Variants in GABPB1 observed in about 807,000 individuals in gnomAD.
GABPB1 encodes GA-binding protein subunit beta-1.
A neutral mutation model predicts 45.9 loss-of-function variants in GABPB1; 15 were observed. That is an observed-to-expected ratio of 0.33 (90% CI 0.22 to 0.50). GABPB1 has a LOEUF of 0.50. Among genes scored for constraint, GABPB1 ranks in the 20% least tolerant of loss-of-function variants. GABPB1 has a pLI of 0.98. For missense variants in GABPB1, 252 were observed against 457.5 expected (o/e 0.55, Z 4.10); for synonymous variants, 143 against 154.4 (o/e 0.93, Z 0.55).
intron 1 of GABPB1, among the ~76,000 whole-genome samples, chr15:50,331,601 T>C (rs2047950111): frequency 6.6e-6 from 1 of 152,172 alleles, no homozygotes; most frequent in South Asian, 2.1e-4. Flanking sequence ...TAGCAAGTTG[T>C]CAGAAAGTTT....
chr15:50,344,846 C>CA (rs2048506178), intron 1 of GABPB1, among the ~76,000 whole-genome samples: 1 of 151,680 alleles, frequency 6.6e-6, no homozygotes, highest in Non-Finnish European at 1.5e-5. Context: ...CTCAAAAAAA[C>CA]AAAAAATAAT....
chr15:50,310,601 T>C (rs898193612), intron 1 of GABPB1, among the ~76,000 whole-genome samples: 1 of 152,232 alleles, frequency 6.6e-6, no homozygotes, highest in Non-Finnish European at 1.5e-5. Context: ...ATGCAATGTA[T>C]ATTTAAGTTC....
chr15:50,316,797 T>C (rs2047346877), intron 1 of GABPB1, among the ~76,000 whole-genome samples: 1 of 152,172 alleles, frequency 6.6e-6, no homozygotes, highest in Non-Finnish European at 1.5e-5. Flanking sequence ...TAGTGATTTA[T>C]TTCTTTTACA....
At chr15:50,298,780 CG>C (rs2046615341) in intron 6 of GABPB1, among the ~76,000 whole-genome samples, 1 of 151,942 alleles carries the variant, frequency 6.6e-6, no homozygotes, top group Admixed American at 6.6e-5. Context: ...GGTGAAACCC[CG>C]TCCCTACTAA....
intron 1 of GABPB1, among the ~76,000 whole-genome samples, chr15:50,342,261 A>C (rs2048401276): frequency 6.6e-6 from 1 of 152,096 alleles, no homozygotes; most frequent in Non-Finnish European, 1.5e-5. Context: ...ATCACATTAC[A>C]AATGATTTAT....
At position 50,278,795 on chromosome 15, in the gene GABPB1, G is replaced by T. The variant is rs2045888926; in HGVS notation, c.1000-11C>A. 2 of 1,521,510 alleles carry T rather than the reference G, an allele frequency of 1.3e-6. No homozygotes were observed. The highest frequency in any genetic ancestry group is 8.7e-7 in the Non-Finnish European group (1 of 1,145,614). The allele number at this position is 1,521,510 out of a possible 1,614,324, so 94.3% of individuals were successfully genotyped here. On this transcript the variant is annotated splice_polypyrimidine_tract_variant and intron_variant, in intron 8 of 8. Transcript: ENST00000380877. ...AAGAGCTTCTCTCTCCTAATTAAAAGAAGAGGGTTTTTTTTTTAATTTTTG... is the reference window on the plus strand; with the variant it reads ...AAGAGCTTCTCTCTCCTAATTAAAATAAGAGGGTTTTTTTTTTAATTTTTG...
At position 50,282,560 on chromosome 15, in the gene GABPB1, G is replaced by GAAAAAAAAAAAAAAAAAAAA. The variant is rs552203074; in HGVS notation, c.999+3507_999+3508insTTTTTTTTTTTTTTTTTTTT. On this transcript the variant is annotated intron_variant, in intron 8 of 8. Transcript: ENST00000380877. ...CAAAGTGAGACCCTGCCTTAAAAAA[G>GAAAAAAAAAAAAAAAAAAAA]AAAAAAAAAAAAAAACAGAGACGGA... is the stretch of plus-strand genomic sequence containing the variant. 4.5e-3 allele frequency among the ~76,000 whole-genome samples: 403 copies of GAAAAAAAAAAAAAAAAAAAA among 88,940 alleles called. 68 individuals are homozygous for GAAAAAAAAAAAAAAAAAAAA. The highest frequency in any genetic ancestry group is 0.01 in the African/African-American group (265 of 26,016). The allele number at this position is 88,940 out of a possible 152,430, so 58.3% of individuals were successfully genotyped here.
At chr15:50,320,358 G>C (rs930199932) in intron 1 of GABPB1, among the ~76,000 whole-genome samples, 1 of 152,118 alleles carries the variant, frequency 6.6e-6, no homozygotes, top group Non-Finnish European at 1.5e-5. Flanking sequence ...AGTAGAGATG[G>C]GGTTTCGGCA....
In GABPB1 at chr15:50,348,651, C is replaced by A. The variant is rs549249734; in HGVS notation, c.-1+6334G>T. 3.0e-3 allele frequency among the ~76,000 whole-genome samples: 461 copies of A among 151,612 alleles called. 1 individual carries two copies. The highest frequency in any genetic ancestry group is 5.1e-3 in the Non-Finnish European group (343 of 67,920). ...GGCCGAGGCAGGCAGATCACAAGGT[C>A]AAGAGATCAAGACCATCCTGACCAA... is the stretch of plus-strand genomic sequence containing the variant. On this transcript the variant is annotated intron_variant, in intron 1 of 8. Coordinates refer to ENST00000380877, the MANE Select transcript of GABPB1 (RefSeq NM_016654.5).
intron 6 of GABPB1, among the ~76,000 whole-genome samples, chr15:50,300,259 A>G (rs1189959690): frequency 6.6e-6 from 1 of 152,064 alleles, no homozygotes; most frequent in Non-Finnish European, 1.5e-5. Flanking sequence ...ACAGCTTCCT[A>G]TTAAAAAACA....
At chr15:50,297,041 G>A (rs1422972464) in intron 6 of GABPB1, among the ~76,000 whole-genome samples, 1 of 150,740 alleles carries the variant, frequency 6.6e-6, no homozygotes, top group African/African-American at 2.4e-5. Context: ...CTCCCGAGTA[G>A]CTGGGATTAC....
chr15:50,301,077 T>C, intron 5 of GABPB1, 175 bp from the exon 6 acceptor site: 1 of 960,624 alleles, frequency 1.0e-6, no homozygotes, highest in South Asian at 1.6e-5. Flanking sequence ...TTTTGTCTCA[T>C]AAAAATCTTT....
At position 50,337,075 on chromosome 15, in the gene GABPB1, G is replaced by GTATATATATATATA. The variant is rs869106382; in HGVS notation, c.-1+17896_-1+17909dup. Among the ~76,000 whole-genome samples the GTATATATATATATA allele has an allele frequency of 1.1e-3, 16 of 14,144 alleles. 1 individual carries two copies. The highest frequency in any genetic ancestry group is 2.9e-3 in the Admixed American group (3 of 1,042). The allele number at this position is 14,144 out of a possible 152,430, so 9.3% of individuals were successfully genotyped here. ...GAAAAAATTACATGTATATGTGTGTGTATATATATATATATATATATATAT... is the reference window on the plus strand; with the variant it reads ...GAAAAAATTACATGTATATGTGTGTGTATATATATATATATATATATATATATATATATATATAT... On this transcript the variant is annotated intron_variant, in intron 1 of 8. Transcript: ENST00000380877.
chr15:50,335,609 G>C (rs1014602799), intron 1 of GABPB1, among the ~76,000 whole-genome samples: 1 of 152,104 alleles, frequency 6.6e-6, no homozygotes, highest in African/African-American at 2.4e-5. Context: ...TCAAAAAGAA[G>C]ACTGGTCGGC....
At chr15:50,342,443 G>C (rs574443534) in intron 1 of GABPB1, among the ~76,000 whole-genome samples, 4 of 152,016 alleles carry the variant, frequency 2.6e-5, no homozygotes, top group African/African-American at 9.7e-5. Context: ...AATTAAACAA[G>C]TCCTTTCTAT....
intron 1 of GABPB1, among the ~76,000 whole-genome samples, chr15:50,311,908 A>G (rs2047141587): frequency 6.6e-6 from 1 of 152,250 alleles, no homozygotes; most frequent in South Asian, 2.1e-4. Flanking sequence ...GGAATAACCA[A>G]GCACAGAAGA....
At chr15:50,327,973 T>TA (rs1294821747) in intron 1 of GABPB1, among the ~76,000 whole-genome samples, 2 of 151,734 alleles carry the variant, frequency 1.3e-5, no homozygotes, top group African/African-American at 4.8e-5. Flanking sequence ...GGTATACTCT[T>TA]AAACACATAA....
In GABPB1 at chr15:50,304,454, T is replaced by C. The variant is rs377751263; in HGVS notation, c.109-321A>G. 2.0e-4 allele frequency among the ~76,000 whole-genome samples: 30 copies of C among 152,378 alleles called. 1 individual carries two copies. The highest frequency in any genetic ancestry group is 1.9e-3 in the East Asian group (10 of 5,190). ...GGCCGAACGTGGTGGCTCACGCCTG[T>C]AATCCCAGCACTTTGGGAAGCCAAG... On this transcript the variant is annotated intron_variant, in intron 2 of 8. Transcript: ENST00000380877.
chr15:50,322,807 G>T (rs1353085030), intron 1 of GABPB1, among the ~76,000 whole-genome samples: 1 of 151,726 alleles, frequency 6.6e-6, no homozygotes, highest in East Asian at 2.0e-4. Context: ...CGGGTGGATT[G>T]CTTGAGACCA....
Sources: allele counts gnomAD v4.1 joint callset (sites outside exome capture counted in the v4.1 genomes callset), GRCh38; gene constraint gnomAD v4.1.1; transcripts MANE v1.5; gene names NCBI Gene and HGNC (gene_info 2026-07-23, HGNC 2026-07-21).